The following HDAC2 variants were observed in gnomAD, a reference collection of about 807,000 sequenced individuals.
HDAC2 encodes histone deacetylase 2, also known as YY1-associated factor 1.
HDAC2 carries 5 observed loss-of-function variants against 68.5 expected under a neutral mutation model. The observed-to-expected ratio is 0.07, with a 90% CI of 0.04 to 0.15. The LOEUF (loss-of-function observed/expected upper bound fraction) is 0.15. HDAC2 is among the 10% of genes least tolerant of loss of function. HDAC2 has a pLI of 1.00. For missense variants in HDAC2, 291 were observed against 600.8 expected, an observed-to-expected ratio of 0.48 and a Z score of 5.39; for synonymous variants, 182 against 191.3, an observed-to-expected ratio of 0.95 and a Z score of 0.40.
Position 113,971,066 on chromosome 6 carries a change from G to T in HDAC2, c.-158C>A. On this transcript the variant is annotated 5_prime_UTR_variant, in exon 1 of 14. Transcript: ENST00000519065. The stretch of plus-strand genomic sequence containing the variant: ...GGCCGGTGGGAGGAGAGGAGGGGGC[G>T]CCGGGAAGGCTCGGTACCACCCGGC... 6.4e-7 allele frequency: 1 copy of T among 1,556,194 alleles called. No homozygotes were observed. Among genetic ancestry groups the T allele is most frequent in the Admixed American group, 1.9e-5 (1 of 51,550 alleles).
chr6:113,963,099 T>C (rs1283924162), intron 1 of HDAC2, among the ~76,000 whole-genome samples: 3 of 152,032 alleles, frequency 2.0e-5, no homozygotes, highest in Non-Finnish European at 2.9e-5. Flanking sequence ...TGTTTTCTTT[T>C]TGAGATGGAG....
chr6:113,957,887 T>C (rs941967572), intron 3 of HDAC2, among the ~76,000 whole-genome samples: 2 of 152,230 alleles, frequency 1.3e-5, no homozygotes, highest in East Asian at 1.9e-4. Flanking sequence ...TGCATCTAAG[T>C]TGGAATCTTC....
chr6:113,953,192 A>G (rs1776463311), intron 6 of HDAC2, 85 bp downstream of exon 6: 2 of 922,664 alleles, frequency 2.2e-6, no homozygotes, highest in Non-Finnish European at 3.3e-6. Context: ...TTATTAACTC[A>G]GGAGAAAAAT....
At position 113,938,238 on chromosome 6, in the gene HDAC2, C is replaced by T. The variant is rs894696751; in HGVS notation, c.*2820G>A. The T allele has an allele frequency of 6.6e-6, 1 of 152,194 alleles. No homozygotes were observed. The highest frequency in any genetic ancestry group is 2.4e-5 in the African/African-American group (1 of 41,446). 9.4% of individuals were successfully genotyped at this position (152,194 alleles called of 1,614,324 possible). On this transcript the variant is annotated 3_prime_UTR_variant, in exon 14 of 14. Transcript: ENST00000519065. ...CTTTTTATTTACTGAGGTTAAAGAT[C>T]TTTTCATATTTACAAACTATTTATA...
At position 113,943,449 on chromosome 6, in the gene HDAC2, T is replaced by C; in HGVS notation, c.1280A>G (p.Glu427Gly). 1 of 1,610,138 alleles carries C rather than the reference T, an allele frequency of 6.2e-7. No homozygotes were observed. The highest frequency in any genetic ancestry group is 8.5e-7 in the Non-Finnish European group (1 of 1,179,086). Residue 427 changes from glutamate to glycine, a missense_variant, in exon 12 of 14, where the codon GAA becomes GGA. Glu to Gly is a moderately conservative substitution (Grantham distance 98, BLOSUM62 -2). Transcript: ENST00000519065. The part of the protein sequence containing the change: ...CDEEFSDSED[E>G]GEGGRRNVAD... The stretch of plus-strand genomic sequence containing the variant: ...CACATTTCTTCGACCTCCTTCTCCT[T>C]CATCCTCAGAATCTGAGAATTCTTC...
rs985095337 is a variant in HDAC2 at position 113,939,458 on chromosome 6, T to C, written c.*1600A>G. 1.3e-5 allele frequency: 2 copies of C among 151,804 alleles called. No individual in the cohort carries two copies. Among genetic ancestry groups the C allele is most frequent in the African/African-American group, 4.8e-5 (2 of 41,300 alleles). 9.4% of individuals were successfully genotyped at this position (151,804 alleles called of 1,614,324 possible). On this transcript the variant is annotated 3_prime_UTR_variant, in exon 14 of 14. Coordinates refer to ENST00000519065, the MANE Select transcript of HDAC2 (RefSeq NM_001527.4). ...CCAATAAGCTATGGAAAAATAAAAA[T>C]AAAAAAAGCAAAGTTACAGAATTGT... is the stretch of plus-strand genomic sequence containing the variant.
In HDAC2 at chr6:113,940,964, G is replaced by T; in HGVS notation, c.*94C>A. 3.2e-6 allele frequency: 3 copies of T among 936,632 alleles called. No homozygotes were observed. The highest frequency in any genetic ancestry group is 5.0e-6 in the Non-Finnish European group (3 of 601,060). 58.0% of individuals were successfully genotyped at this position (936,632 alleles called of 1,614,324 possible). On this transcript the variant is annotated 3_prime_UTR_variant, in exon 14 of 14. Coordinates refer to ENST00000519065, the MANE Select transcript of HDAC2 (RefSeq NM_001527.4). ...AATAAATACAGTCCATGCCAAAGTAGTATAAAATGAAGCCAGAAGTCTTCA... is the reference window on the plus strand; with the variant it reads ...AATAAATACAGTCCATGCCAAAGTATTATAAAATGAAGCCAGAAGTCTTCA...
chr6:113,967,260 C>G (rs569735851), intron 1 of HDAC2, among the ~76,000 whole-genome samples: 83 of 152,268 alleles, frequency 5.5e-4, no homozygotes, highest in Non-Finnish European at 1.0e-3. Flanking sequence ...TCCCGAGTAA[C>G]TGGGACTACT....
At chr6:113,967,410 T>C (rs920463829) in intron 1 of HDAC2, among the ~76,000 whole-genome samples, 1 of 152,204 alleles carries the variant, frequency 6.6e-6, no homozygotes, top group Non-Finnish European at 1.5e-5. Context: ...ATTATAGGCA[T>C]GAGCCACCAC....
rs1332385802 is a variant in HDAC2, at chr6:113,940,864, G to GA, written c.*193dup. On this transcript the variant is annotated 3_prime_UTR_variant, in exon 14 of 14. Transcript: ENST00000519065. ...ATCACATAAAGCATGGTGGAGAAAAGAAATTTTGCTTCATAATTAGAAAAA... is the reference window on the plus strand; with the variant it reads ...ATCACATAAAGCATGGTGGAGAAAAGAAAATTTTGCTTCATAATTAGAAAAA... 6.4e-6 allele frequency: 3 copies of GA among 471,384 alleles called. No individual in the cohort carries two copies. Among genetic ancestry groups the GA allele is most frequent in the Non-Finnish European group, 1.1e-5 (3 of 267,606 alleles). The allele number at this position is 471,384 out of a possible 1,614,324, so 29.2% of individuals were successfully genotyped here.
In HDAC2 at chr6:113,939,118, C is replaced by T. The variant is rs965992476; in HGVS notation, c.*1940G>A. On this transcript the variant is annotated 3_prime_UTR_variant, in exon 14 of 14. Transcript: ENST00000519065. Reference sequence around the variant, plus strand: ...GCACCCGGATACTGAGCTCAGTTTCCGTCTTCACTGTTCCATCTCCTCCAT... The same window carrying T: ...GCACCCGGATACTGAGCTCAGTTTCTGTCTTCACTGTTCCATCTCCTCCAT... 2 of 152,146 alleles carry T rather than the reference C, an allele frequency of 1.3e-5. No individual in the cohort carries two copies. The highest frequency in any genetic ancestry group is 1.9e-4 in the East Asian group (1 of 5,194). The allele number at this position is 152,146 out of a possible 1,614,324, so 9.4% of individuals were successfully genotyped here. A position where few individuals can be genotyped will look rare whatever the true frequency, so the allele number is the denominator to read the frequency against.
chr6:113,939,499 CTA>C lies in HDAC2; in HGVS notation c.*1557_*1558del, dbSNP rs1222347238. 1.3e-5 allele frequency: 2 copies of C among 152,162 alleles called. No homozygotes were observed. The highest frequency in any genetic ancestry group is 2.4e-5 in the African/African-American group (1 of 41,448). The allele number at this position is 152,162 out of a possible 1,614,324, so 9.4% of individuals were successfully genotyped here. A position where few individuals can be genotyped will look rare whatever the true frequency, so the allele number is the denominator to read the frequency against. On this transcript the variant is annotated 3_prime_UTR_variant, in exon 14 of 14. Transcript: ENST00000519065. Reference sequence around the variant, plus strand: ...ACAGAATTGTCCAAATACATACCATCTATGTTTCACAAACACTAAATACATTT... The same window carrying C: ...ACAGAATTGTCCAAATACATACCATCTGTTTCACAAACACTAAATACATTT...
At position 113,933,195 on chromosome 6, in the gene HDAC2, G is replaced by T. The variant is rs1775931841; in HGVS notation, c.*7863C>A. The T allele has an allele frequency of 6.6e-6, 1 of 152,170 alleles. No homozygotes were observed. Among genetic ancestry groups the T allele is most frequent in the African/African-American group, 2.4e-5 (1 of 41,444 alleles). The allele number at this position is 152,170 out of a possible 1,614,324, so 9.4% of individuals were successfully genotyped here. ...TGTTCTCATTCACTAAGTGATTAAAGTTAACATCATCAGTAATGAGAGAAA... is the reference window on the plus strand; with the variant it reads ...TGTTCTCATTCACTAAGTGATTAAATTTAACATCATCAGTAATGAGAGAAA... On this transcript the variant is annotated 3_prime_UTR_variant, in exon 14 of 14. Transcript: ENST00000519065.
At chr6:113,949,135 T>C (rs370731766) in intron 7 of HDAC2, 33 bp downstream of exon 7, 10 of 1,607,008 alleles carry the variant, frequency 6.2e-6, no homozygotes, top group Non-Finnish European at 8.5e-6. Flanking sequence ...CATTCTGAAA[T>C]TCCATTCCAA....
At chr6:113,956,202 A>G in intron 4 of HDAC2, 51 bp from the exon 5 acceptor site, 2 of 1,475,402 alleles carry the variant, frequency 1.4e-6, no homozygotes, top group South Asian at 2.6e-5. Context: ...ATAAAAAAGT[A>G]GTAGAATGAG....
At chr6:113,952,894 G>T (rs990605573) in intron 6 of HDAC2, among the ~76,000 whole-genome samples, 1 of 152,130 alleles carries the variant, frequency 6.6e-6, no homozygotes, top group African/African-American at 2.4e-5. Context: ...AATCACAAAA[G>T]AGAGGAGCAG....
At chr6:113,944,159 A>G (rs1776213427) in intron 11 of HDAC2, 121 bp downstream of exon 11, 4 of 896,028 alleles carry the variant, frequency 4.5e-6, no homozygotes, top group Non-Finnish European at 7.0e-6. Context: ...GAAAGTGGCA[A>G]AAATGACAAT....
intron 10 of HDAC2, 108 bp downstream of exon 10, chr6:113,945,254 A>C (rs911693790): frequency 2.0e-5 from 10 of 497,844 alleles, no homozygotes; most frequent in Non-Finnish European, 3.2e-5. Flanking sequence ...TTAGAAAAAA[A>C]CAAAATATCT....
At chr6:113,944,563 G>T (rs1210430379) in intron 10 of HDAC2, among the ~76,000 whole-genome samples, 153 bp from the exon 11 acceptor site, 2 of 152,108 alleles carry the variant, frequency 1.3e-5, no homozygotes, top group African/African-American at 4.8e-5. Context: ...AGAGTGCAGT[G>T]GCAAGATCAT....
Sources: allele counts gnomAD v4.1 joint callset (sites outside exome capture counted in the v4.1 genomes callset), GRCh38; gene constraint gnomAD v4.1.1; transcripts MANE v1.5; gene names NCBI Gene and HGNC (gene_info 2026-07-23, HGNC 2026-07-21).